FTO: variants seen among roughly 807,000 people sequenced by gnomAD.
FTO encodes alpha-ketoglutarate-dependent dioxygenase FTO.
Under a neutral mutation model 63.9 loss-of-function variants are expected in FTO, and 47 were observed. That is an observed-to-expected ratio of 0.74 (90% CI 0.58 to 0.94). FTO has a LOEUF of 0.94. Among genes scored for constraint, FTO ranks in the 40% least tolerant of loss-of-function variants. The pLI, the probability that FTO is intolerant of heterozygous loss-of-function variation, is 0.00. For missense variants in FTO, 562 were observed against 618.1 expected (o/e 0.91, Z 0.96); for synonymous variants, 207 against 224.4 (o/e 0.92, Z 0.69).
chr16:53,755,026 A>G (rs2076887263), intron 1 of FTO, among the ~76,000 whole-genome samples: 1 of 152,234 alleles, frequency 6.6e-6, no homozygotes, highest in African/African-American at 2.4e-5. Context: ...TTCCTAGGGA[A>G]AAGGGCTGAC....
chr16:53,856,860 T>C (rs563202039), intron 4 of FTO, among the ~76,000 whole-genome samples: 33 of 152,362 alleles, frequency 2.2e-4, no homozygotes, highest in African/African-American at 7.7e-4. Context: ...ATAGTGGTTT[T>C]GTAGTCTGTC....
At chr16:53,977,175 AT>A (rs1308207540) in intron 8 of FTO, among the ~76,000 whole-genome samples, 31 of 152,042 alleles carry the variant, frequency 2.0e-4, no homozygotes, top group Admixed American at 2.0e-3. Flanking sequence ...ATTCTCTTTA[AT>A]TCTCTTTAAT....
intron 1 of FTO, among the ~76,000 whole-genome samples, chr16:53,736,898 A>G (rs2076401189): frequency 6.6e-6 from 1 of 152,026 alleles, no homozygotes. Flanking sequence ...TTCCATACTC[A>G]TTCCCCTCCC....
rs185762825 is a variant in FTO, at chr16:54,100,633, G to A, written c.1365-11129G>A. Among the ~76,000 whole-genome samples the A allele has an allele frequency of 7.5e-4, 114 of 152,282 alleles. 1 individual carries two copies. Among genetic ancestry groups the A allele is most frequent in the African/African-American group, 2.6e-3 (107 of 41,564 alleles). Reference sequence around the variant, plus strand: ...TTCCCAAAGTGCTGGGATAACAGACGTGAGCCACTGTGCCAAGCCTTATTG... The same window carrying A: ...TTCCCAAAGTGCTGGGATAACAGACATGAGCCACTGTGCCAAGCCTTATTG... On this transcript the variant is annotated intron_variant, in intron 8 of 8. Coordinates refer to ENST00000471389, the MANE Select transcript of FTO (RefSeq NM_001080432.3).
chr16:53,881,158 A>C (rs1171491251), intron 6 of FTO, among the ~76,000 whole-genome samples: 1 of 129,712 alleles, frequency 7.7e-6, no homozygotes, highest in East Asian at 2.1e-4. Flanking sequence ...AATAAAAATA[A>C]AATAAAAAAG....
At chr16:53,748,451 A>G (rs1324049781) in intron 1 of FTO, among the ~76,000 whole-genome samples, 1 of 151,804 alleles carries the variant, frequency 6.6e-6, no homozygotes, top group African/African-American at 2.4e-5. Flanking sequence ...TTTTATAGCT[A>G]TTTTATTTAT....
chr16:54,120,331 A>G lies in FTO; in HGVS notation c.*8416A>G, dbSNP rs1164330015. 1 of 151,824 alleles carries G rather than the reference A, an allele frequency of 6.6e-6. No homozygotes were observed. Among genetic ancestry groups the G allele is most frequent in the Non-Finnish European group, 1.5e-5 (1 of 67,960 alleles). 9.4% of individuals were successfully genotyped at this position (151,824 alleles called of 1,614,324 possible). A position where few individuals can be genotyped will look rare whatever the true frequency, so the allele number is the denominator to read the frequency against. ...ATATTGCCAGCTCTTCATAGTATTG[A>G]CTCTTCAGTCTTAGCCAACACACAC... On this transcript the variant is annotated 3_prime_UTR_variant, in exon 9 of 9. Transcript: ENST00000471389.
At chr16:53,722,754 G>A (rs772048480) in intron 1 of FTO, among the ~76,000 whole-genome samples, 4 of 152,036 alleles carry the variant, frequency 2.6e-5, no homozygotes, top group Non-Finnish European at 5.9e-5. Flanking sequence ...CTTGAACCCG[G>A]GAGGCGGAGG....
intron 8 of FTO, among the ~76,000 whole-genome samples, chr16:53,971,685 C>T (rs2083321240): frequency 6.6e-6 from 1 of 152,228 alleles, no homozygotes; most frequent in African/African-American, 2.4e-5. Flanking sequence ...AGGGGACCCC[C>T]TGTCTCAGCA....
At chr16:53,804,788 G>A (rs1462479294) in intron 1 of FTO, among the ~76,000 whole-genome samples, 1 of 151,882 alleles carries the variant, frequency 6.6e-6, no homozygotes, top group Non-Finnish European at 1.5e-5. Context: ...GCTAATTTTT[G>A]TATTTTTGGT....
At chr16:53,879,691 T>TAAAAAAAA (rs34252518) in intron 5 of FTO, among the ~76,000 whole-genome samples, 153 bp from the exon 6 acceptor site, 1 of 95,114 alleles carries the variant, frequency 1.1e-5, no homozygotes, top group African/African-American at 4.0e-5. Context: ...ATCTCAAAAT[T>TAAAAAAAA]AAAAAAAAAA....
chr16:53,800,664 G>A (rs2078195612), intron 1 of FTO, among the ~76,000 whole-genome samples: 1 of 152,066 alleles, frequency 6.6e-6, no homozygotes, highest in Non-Finnish European at 1.5e-5. Context: ...GTTATTAGGT[G>A]TATATATGTT....
At chr16:53,719,306 A>G (rs948784700) in intron 1 of FTO, among the ~76,000 whole-genome samples, 22 of 142,742 alleles carry the variant, frequency 1.5e-4, no homozygotes, top group African/African-American at 5.3e-4. Flanking sequence ...ACCCAGGCTC[A>G]CTGCAGCCTC....
intron 8 of FTO, among the ~76,000 whole-genome samples, chr16:54,068,518 T>C (rs1487291470): frequency 6.6e-6 from 1 of 152,154 alleles, no homozygotes; most frequent in Admixed American, 6.6e-5. Context: ...CATGTCCCCA[T>C]GGCTGAGGTT....
rs1416436716 is a variant in FTO, at chr16:53,888,906, A to G, written c.1194A>G (p.Gln398=). 1 of 1,613,952 alleles carries G rather than the reference A, an allele frequency of 6.2e-7. No homozygotes were observed. The highest frequency in any genetic ancestry group is 1.3e-5 in the African/African-American group (1 of 74,920). Residue 398 remains glutamine (Q), a synonymous_variant, in exon 7 of 9, where the codon CAA becomes CAG. Transcript: ENST00000471389. ...RYRKCTDWWC[Q]PMAQLEALWK... is the part of the protein sequence containing the mutation. ...GAAAGTGCACTGACTGGTGGTGTCA[A>G]CCCATGGCTCAACTGGAAGCACTGT...
intron 8 of FTO, among the ~76,000 whole-genome samples, chr16:53,977,581 C>T (rs772459991): frequency 1.3e-5 from 2 of 152,106 alleles, no homozygotes; most frequent in African/African-American, 4.8e-5. Context: ...TCCCTCAAAT[C>T]TTTGAAGTTT....
intron 8 of FTO, among the ~76,000 whole-genome samples, chr16:54,059,970 G>A (rs1361655192): frequency 2.6e-5 from 4 of 151,922 alleles, no homozygotes; most frequent in Non-Finnish European, 5.9e-5. Context: ...AAAAAAATAC[G>A]TCCCTTCCAT....
chr16:53,862,016 T>G (rs1598852189), intron 4 of FTO, among the ~76,000 whole-genome samples: 1 of 151,858 alleles, frequency 6.6e-6, no homozygotes, highest in African/African-American at 2.4e-5. Flanking sequence ...CTTTGGGAGG[T>G]CGAGGTGGGC....
chr16:53,733,227 CCT>C (rs1459832658), intron 1 of FTO, among the ~76,000 whole-genome samples: 2 of 152,044 alleles, frequency 1.3e-5, no homozygotes, highest in Non-Finnish European at 2.9e-5. Flanking sequence ...TGGCGAAACC[CCT>C]GTCTCTACTA....
Sources: gnomAD v4.1 joint callset for allele counts (sites outside exome capture counted in the v4.1 genomes callset) on GRCh38, gnomAD v4.1.1 for gene constraint, MANE v1.5 for transcripts, NCBI Gene and HGNC (gene_info 2026-07-23, HGNC 2026-07-21) for gene names.